NCBP1: variants seen among roughly 807,000 people sequenced by gnomAD.
NCBP1 encodes the protein nuclear cap-binding protein subunit 1.
Under a neutral mutation model 111.7 loss-of-function variants are expected in NCBP1, and 16 were observed. The ratio of observed to expected loss-of-function variants is 0.14; its 90% confidence interval spans 0.10 to 0.22. The LOEUF (loss-of-function observed/expected upper bound fraction) is 0.22, where lower values mean the gene tolerates loss of function less well. Ranked by LOEUF, NCBP1 falls within the 10% of genes least tolerant of loss-of-function variation. NCBP1 has a pLI of 1.00. For synonymous variants in NCBP1, 304 were observed against 314.3 expected (o/e 0.97, Z 0.35); for missense variants, 607 against 957.5 (o/e 0.63, Z 4.83).
At position 97,633,821 on chromosome 9, in the gene NCBP1, A is replaced by G. The variant is rs1826904813; in HGVS notation, c.-61A>G. 2.6e-6 allele frequency: 4 copies of G among 1,533,294 alleles called. No homozygotes were observed. Among genetic ancestry groups the G allele is most frequent in the Admixed American group, 2.0e-5 (1 of 49,982 alleles). 95.0% of individuals were successfully genotyped at this position (1,533,294 alleles called of 1,614,324 possible). A position where few individuals can be genotyped will look rare whatever the true frequency, so the allele number is the denominator to read the frequency against. On this transcript the variant is annotated 5_prime_UTR_variant, in exon 1 of 23. Transcript: ENST00000375147. ...GCTGTCCTTGCGTCGGCCAGCGGCC[A>G]GACAGTTCCTGCAGCGCTTACCGCC...
At chr9:97,659,788 A>G (rs1827779780) in intron 15 of NCBP1, among the ~76,000 whole-genome samples, 3 of 152,190 alleles carry the variant, frequency 2.0e-5, no homozygotes, top group Non-Finnish European at 4.4e-5. Flanking sequence ...TTGAAGATTA[A>G]GCTTTCTTTT....
intron 18 of NCBP1, among the ~76,000 whole-genome samples, 153 bp from the exon 19 acceptor site, chr9:97,664,187 G>C (rs567422036): frequency 1.3e-5 from 2 of 152,070 alleles, no homozygotes; most frequent in South Asian, 4.2e-4. Context: ...CCAAAAAAAA[G>C]ACCTAATGGT....
chr9:97,657,137 T>C (rs1827681878), intron 14 of NCBP1, among the ~76,000 whole-genome samples: 1 of 152,098 alleles, frequency 6.6e-6, no homozygotes, highest in East Asian at 1.9e-4. Flanking sequence ...TGGCTAATTT[T>C]TTGTAGTTTT....
At chr9:97,640,256 G>C (rs1462336806) in intron 1 of NCBP1, among the ~76,000 whole-genome samples, 2 of 152,130 alleles carry the variant, frequency 1.3e-5, no homozygotes, top group Non-Finnish European at 2.9e-5. Context: ...ATCTTTTGAA[G>C]CTTTCCTCTT....
chr9:97,669,719 C>T lies in NCBP1; in HGVS notation c.2259+13C>T, dbSNP rs750148128. 18 of 1,495,932 alleles carry T rather than the reference C, an allele frequency of 1.2e-5. No individual in the cohort carries two copies. The highest frequency in any genetic ancestry group is 6.7e-5 in the Admixed American group (4 of 59,716). The allele number at this position is 1,495,932 out of a possible 1,614,324, so 92.7% of individuals were successfully genotyped here. On this transcript the variant is annotated intron_variant, in intron 22 of 22. Transcript: ENST00000375147. ...GATCTTCCTACAGGTATGTGGGGAA[C>T]TTCGATTAGGTAATAACACTATTCT... is the stretch of plus-strand genomic sequence containing the variant.
chr9:97,658,052 G>C (rs1018293136), intron 14 of NCBP1, among the ~76,000 whole-genome samples: 6 of 151,196 alleles, frequency 4.0e-5, no homozygotes, highest in Non-Finnish European at 5.9e-5. Flanking sequence ...TATTCATGGA[G>C]CCCTAGTTTC....
At chr9:97,657,090 C>T (rs904036471) in intron 14 of NCBP1, among the ~76,000 whole-genome samples, 1 of 152,198 alleles carries the variant, frequency 6.6e-6, no homozygotes, top group Non-Finnish European at 1.5e-5. Context: ...GCCTCAGCCT[C>T]CTGGTAGCTG....
At chr9:97,641,057 T>G (rs1827192045) in intron 2 of NCBP1, among the ~76,000 whole-genome samples, 175 bp downstream of exon 2, 2 of 152,130 alleles carry the variant, frequency 1.3e-5, no homozygotes, top group African/African-American at 4.8e-5. Flanking sequence ...TAATTGATCA[T>G]TTTTAGTACT....
intron 22 of NCBP1, among the ~76,000 whole-genome samples, 191 bp from the exon 23 acceptor site, chr9:97,670,895 A>AT (rs906628206): frequency 1.3e-5 from 2 of 151,752 alleles, no homozygotes; most frequent in African/African-American, 4.8e-5. Context: ...TTGAGCATCC[A>AT]TTTTTTTCAT....
At chr9:97,649,400 A>G (rs540012631) in intron 8 of NCBP1, among the ~76,000 whole-genome samples, 12 of 152,262 alleles carry the variant, frequency 7.9e-5, no homozygotes, top group African/African-American at 2.6e-4. Flanking sequence ...AGAGAGTGCA[A>G]TATGTCCCCT....
At chr9:97,643,504 AC>A (rs1827255941) in intron 4 of NCBP1, 144 bp downstream of exon 4, 2 of 849,592 alleles carry the variant, frequency 2.4e-6, no homozygotes, top group Non-Finnish European at 3.4e-6. Context: ...TTTTGACGAT[AC>A]CCCCAAATCT....
At chr9:97,639,802 T>C (rs1229733037) in intron 1 of NCBP1, among the ~76,000 whole-genome samples, 1 of 152,098 alleles carries the variant, frequency 6.6e-6, no homozygotes, top group Non-Finnish European at 1.5e-5. Context: ...TTAAACAAAG[T>C]GGTAAGAGAT....
chr9:97,660,855 T>TA (rs34461848), intron 15 of NCBP1, 91 bp from the exon 16 acceptor site: 15 of 1,438,070 alleles, frequency 1.0e-5, no homozygotes, highest in Admixed American at 2.5e-5. Flanking sequence ...AGGAAGAATT[T>TA]AAAAAAAATT....
chr9:97,672,103 C>T lies in NCBP1; in HGVS notation c.*904C>T, dbSNP rs542974378. On this transcript the variant is annotated 3_prime_UTR_variant, in exon 23 of 23. Transcript: ENST00000375147. ...ATATGGAACCTGATCCAAAAAACTA[C>T]GAAGTCCTGAGCTTGTTTCCTGTAT... is the stretch of plus-strand genomic sequence containing the variant. 5 of 152,272 alleles carry T rather than the reference C, an allele frequency of 3.3e-5. No homozygotes were observed. The highest frequency in any genetic ancestry group is 4.8e-5 in the African/African-American group (2 of 41,548). 9.4% of individuals were successfully genotyped at this position (152,272 alleles called of 1,614,324 possible).
chr9:97,654,603 G>C (rs1158397758), intron 11 of NCBP1, among the ~76,000 whole-genome samples: 1 of 151,802 alleles, frequency 6.6e-6, no homozygotes, highest in Non-Finnish European at 1.5e-5. Flanking sequence ...TAAGCACAAT[G>C]AAACAATGTA....
In NCBP1 at chr9:97,672,441, TG is replaced by T. The variant is rs1234156238; in HGVS notation, c.*1243del. The T allele has an allele frequency of 1.3e-5, 2 of 152,252 alleles. No homozygotes were observed. The highest frequency in any genetic ancestry group is 4.8e-5 in the African/African-American group (2 of 41,470). 9.4% of individuals were successfully genotyped at this position (152,252 alleles called of 1,614,324 possible). ...GCTTAATAAATGGGAATTCCTAGAA[TG>T]TTTAAATACCATACTATTTAAGACA... On this transcript the variant is annotated 3_prime_UTR_variant, in exon 23 of 23. Coordinates refer to ENST00000375147, the MANE Select transcript of NCBP1 (RefSeq NM_002486.5).
chr9:97,634,142 G>A (rs1826921201), intron 1 of NCBP1, among the ~76,000 whole-genome samples: 1 of 152,278 alleles, frequency 6.6e-6, no homozygotes, highest in Non-Finnish European at 1.5e-5. Context: ...GGGAAAGAAG[G>A]CCTGGTGAAC....
chr9:97,649,493 T>C (rs967865473), intron 8 of NCBP1, among the ~76,000 whole-genome samples: 1 of 152,210 alleles, frequency 6.6e-6, no homozygotes, highest in Non-Finnish European at 1.5e-5. Context: ...TTTCTTCTAT[T>C]GTCTCTTTTC....
chr9:97,664,872 A>G (rs1346189179), intron 19 of NCBP1, among the ~76,000 whole-genome samples: 1 of 152,212 alleles, frequency 6.6e-6, no homozygotes, highest in Non-Finnish European at 1.5e-5. Context: ...GGGATCCAGG[A>G]AAGCTTGGTG....
Sources: gnomAD v4.1 joint callset for allele counts (sites outside exome capture counted in the v4.1 genomes callset) on GRCh38, gnomAD v4.1.1 for gene constraint, MANE v1.5 for transcripts, NCBI Gene and HGNC (gene_info 2026-07-23, HGNC 2026-07-21) for gene names.